Variants in WDR11 observed in about 807,000 individuals in gnomAD.
WDR11 encodes the protein WD repeat domain 11.
WDR11 carries 83 observed loss-of-function variants against 151.2 expected under a neutral mutation model. That is an observed-to-expected ratio of 0.55 (90% CI 0.46 to 0.66). The LOEUF (loss-of-function observed/expected upper bound fraction) is 0.66. Ranked by LOEUF, WDR11 falls within the 30% of genes least tolerant of loss-of-function variation. WDR11 has a pLI of 0.00. For missense variants in WDR11, 1,301 were observed against 1,480.9 expected, an observed-to-expected ratio of 0.88 and a Z score of 1.99; for synonymous variants, 484 against 533.1, an observed-to-expected ratio of 0.91 and a Z score of 1.27.
intron 11 of WDR11, among the ~76,000 whole-genome samples, chr10:120,875,964 T>C (rs1001646626): frequency 6.7e-6 from 1 of 149,788 alleles, no homozygotes; most frequent in Admixed American, 6.8e-5. Flanking sequence ...TGGAGAAGGG[T>C]TAACCTTTTT....
intron 21 of WDR11, among the ~76,000 whole-genome samples, chr10:120,901,727 T>C (rs942973864): frequency 6.6e-6 from 1 of 152,266 alleles, no homozygotes; most frequent in Admixed American, 6.5e-5. Flanking sequence ...GTTTTTTCTA[T>C]GCAAAGATTA....
At chr10:120,873,383 G>C (rs1480942643) in intron 10 of WDR11, among the ~76,000 whole-genome samples, 2 of 152,132 alleles carry the variant, frequency 1.3e-5, no homozygotes, top group African/African-American at 4.8e-5. Context: ...TCTCTTGTCA[G>C]GATTTATTTA....
chr10:120,891,010 T>C, intron 19 of WDR11, 123 bp downstream of exon 19: 4 of 1,061,748 alleles, frequency 3.8e-6, no homozygotes, highest in Non-Finnish European at 5.6e-6. Flanking sequence ...GAATCTGAGT[T>C]TAAGAAAATA....
chr10:120,902,915 C>T lies in WDR11; in HGVS notation c.2754-140C>T, dbSNP rs1847882202. ...CAGGGCAGGAGAACTTGCTGCCTCCCCCTTTCACCCTGTCAGGCCCCATGC... is the reference window on the plus strand; with the variant it reads ...CAGGGCAGGAGAACTTGCTGCCTCCTCCTTTCACCCTGTCAGGCCCCATGC... On this transcript the variant is annotated intron_variant, in intron 22 of 28. Coordinates refer to ENST00000263461, the MANE Select transcript of WDR11 (RefSeq NM_018117.12). 3.4e-6 allele frequency: 3 copies of T among 877,670 alleles called. No individual in the cohort carries two copies. The Admixed American group carries it at 6.0e-5, about 18-fold the overall frequency. 54.4% of individuals were successfully genotyped at this position (877,670 alleles called of 1,614,324 possible). A position where few individuals can be genotyped will look rare whatever the true frequency, so the allele number is the denominator to read the frequency against.
intron 5 of WDR11, 27 bp downstream of exon 5, chr10:120,862,948 T>A (rs1438575180): frequency 7.0e-7 from 1 of 1,429,536 alleles, no homozygotes; most frequent in African/African-American, 1.4e-5. Context: ...AAATTAACAT[T>A]CATCTACTTA....
At chr10:120,901,250 T>TA (rs1456565237) in intron 21 of WDR11, 152 bp downstream of exon 21, 2 of 725,422 alleles carry the variant, frequency 2.8e-6, no homozygotes, top group Non-Finnish European at 4.7e-6. Flanking sequence ...TGCTTCCCGT[T>TA]AGAGTCTGTG....
intron 10 of WDR11, among the ~76,000 whole-genome samples, chr10:120,872,112 G>T (rs1846567471): frequency 6.6e-6 from 1 of 152,076 alleles, no homozygotes; most frequent in South Asian, 2.1e-4. Context: ...TGTGATTTGT[G>T]GTGAAAACCT....
chr10:120,859,954 TACACACACACAC>T (rs3217470), intron 3 of WDR11, among the ~76,000 whole-genome samples, 143 bp from the exon 4 acceptor site: 3 of 150,840 alleles, frequency 2.0e-5, no homozygotes, highest in East Asian at 2.0e-4. Context: ...GGAATATTGA[TACACACACACAC>T]ACACACACAC....
chr10:120,875,822 T>TA (rs397714889), intron 11 of WDR11, among the ~76,000 whole-genome samples: 4 of 151,312 alleles, frequency 2.6e-5, no homozygotes, highest in Non-Finnish European at 2.9e-5. Flanking sequence ...AGTTTTTTTT[T>TA]ATGATCTTTC....
At chr10:120,901,964 G>T (rs1291650831) in intron 21 of WDR11, among the ~76,000 whole-genome samples, 1 of 152,178 alleles carries the variant, frequency 6.6e-6, no homozygotes, top group Non-Finnish European at 1.5e-5. Flanking sequence ...TCTTGTTCCA[G>T]TAGTTAGGCA....
At position 120,904,241 on chromosome 10, in the gene WDR11, C is replaced by T. The variant is rs187205567; in HGVS notation, c.3027+99C>T. 1,360 of 956,736 alleles carry T rather than the reference C, an allele frequency of 1.4e-3. 3 individuals carry two copies. The highest frequency in any genetic ancestry group is 2.1e-3 in the Non-Finnish European group (1,274 of 609,030). The allele number at this position is 956,736 out of a possible 1,614,324, so 59.3% of individuals were successfully genotyped here. The stretch of plus-strand genomic sequence containing the variant: ...TATGTATATATTTCATAATATTTTC[C>T]CCTTGTATGTACCTCCTTCCCTGTA... On this transcript the variant is annotated intron_variant, in intron 24 of 28. Transcript: ENST00000263461.
intron 14 of WDR11, 138 bp downstream of exon 14, chr10:120,884,026 T>C: frequency 1.4e-6 from 1 of 698,960 alleles, no homozygotes; most frequent in Non-Finnish European, 2.5e-6. Flanking sequence ...GAAGATGATC[T>C]AAATAAATGG....
intron 5 of WDR11, among the ~76,000 whole-genome samples, chr10:120,864,357 T>C (rs529340008): frequency 6.6e-6 from 1 of 152,338 alleles, no homozygotes; most frequent in South Asian, 2.1e-4. Context: ...TAGTACATAA[T>C]TGTATGTCTA....
chr10:120,880,953 T>C lies in WDR11; in HGVS notation c.1739+52T>C, dbSNP rs763293822. On this transcript the variant is annotated intron_variant, in intron 13 of 28. Transcript: ENST00000263461. ...ATGGTGTTATCACAATGAAATCTCG[T>C]GGATTTTTTTAATCTTTAAGAAAAT... 2.5e-5 allele frequency: 38 copies of C among 1,500,292 alleles called. No homozygotes were observed. In the South Asian group the frequency reaches 4.1e-4, roughly 16 times the overall value. 92.9% of individuals were successfully genotyped at this position (1,500,292 alleles called of 1,614,324 possible).
Position 120,909,099 on chromosome 10 carries a change from T to C in WDR11, c.*386T>C, listed in dbSNP as rs1457239600. On this transcript the variant is annotated 3_prime_UTR_variant, in exon 29 of 29. Transcript: ENST00000263461. ...ATAGTAAATGAAATTTGTGAGATGTTTTCTCAAATATATGCTGTGCCTGTA... is the reference window on the plus strand; with the variant it reads ...ATAGTAAATGAAATTTGTGAGATGTCTTCTCAAATATATGCTGTGCCTGTA... 2.6e-5 allele frequency: 7 copies of C among 268,798 alleles called. No homozygotes were observed. Among genetic ancestry groups the C allele is most frequent in the African/African-American group, 1.1e-4 (5 of 45,184 alleles). The allele number at this position is 268,798 out of a possible 1,614,324, so 16.7% of individuals were successfully genotyped here.
At position 120,871,369 on chromosome 10, in the gene WDR11, T is replaced by C. The variant is rs764987082; in HGVS notation, c.1471+23T>C. The C allele has an allele frequency of 4.3e-6, 7 of 1,609,966 alleles. No individual in the cohort carries two copies. In the African/African-American group the frequency reaches 9.4e-5, roughly 22 times the overall value. On this transcript the variant is annotated intron_variant, in intron 10 of 28. Coordinates refer to ENST00000263461, the MANE Select transcript of WDR11 (RefSeq NM_018117.12). ...TTGGTGAGTATTTGACCTGGTCTTT[T>C]TTTTTTTAACTCACTTTATAAGATG...
At position 120,905,387 on chromosome 10, in the gene WDR11, G is replaced by A. The variant is rs143689717; in HGVS notation, c.3262G>A (p.Glu1088Lys). The A allele has an allele frequency of 2.8e-5, 45 of 1,614,042 alleles. No individual in the cohort carries two copies. Among genetic ancestry groups the A allele is most frequent in the Admixed American group, 6.7e-5 (4 of 59,988 alleles). The change falls in exon 26 of 29, where the codon GAG (glutamate) becomes AAG (lysine). Residue 1088 changes from glutamate to lysine, a missense_variant. Physicochemically the swap from Glu to Lys is moderately conservative, Grantham distance 56. This residue lies in a region of WDR11 where 589 missense variants were observed against 670.6 expected (regional missense o/e 0.88). Coordinates refer to ENST00000263461, the MANE Select transcript of WDR11 (RefSeq NM_018117.12). ...DACRYLQTYG[E>K]WNRAAWLAKV... ...CTGCCGCTACCTGCAGACATACGGC[G>A]AGTGGAATCGGGCTGCATGGCTGGC...
intron 11 of WDR11, 82 bp downstream of exon 11, chr10:120,874,005 CTG>C (rs1564702802): frequency 7.0e-6 from 6 of 855,700 alleles, no homozygotes; most frequent in Non-Finnish European, 1.2e-5. Context: ...ATTGAGTACT[CTG>C]TAATATCTGC....
chr10:120,862,255 T>C (rs1430763787), intron 4 of WDR11, among the ~76,000 whole-genome samples: 3 of 151,892 alleles, frequency 2.0e-5, no homozygotes, highest in Non-Finnish European at 2.9e-5. Context: ...TTCTCCTGCC[T>C]CACTCTCCTG....
Sources: gnomAD v4.1 joint callset for allele counts (sites outside exome capture counted in the v4.1 genomes callset) on GRCh38, gnomAD v4.1.1 for gene constraint, gnomAD v4.1.1 regional missense constraint, MANE v1.5 for transcripts, NCBI Gene and HGNC (gene_info 2026-07-23, HGNC 2026-07-21) for gene names.